Variants in BCAS3 observed in about 807,000 individuals in gnomAD.
BCAS3 encodes the protein BCAS4/BCAS3 fusion.
A neutral mutation model predicts 116.1 loss-of-function variants in BCAS3; 53 were observed. The observed-to-expected ratio is 0.46, with a 90% CI of 0.37 to 0.57. The LOEUF is 0.57. Ranked by LOEUF, BCAS3 falls within the 20% of genes least tolerant of loss-of-function variation. BCAS3 has a pLI of 0.00. For missense variants in BCAS3, 917 were observed against 1,165.4 expected, an observed-to-expected ratio of 0.79 and a Z score of 3.10; for synonymous variants, 391 against 408.2, an observed-to-expected ratio of 0.96 and a Z score of 0.51.
In BCAS3 at chr17:61,222,672, G is replaced by T. The variant is rs76744014; in HGVS notation, c.2425+138108G>T. Among the ~76,000 whole-genome samples the T allele has an allele frequency of 0.023, 3,432 of 151,848 alleles. 63 individuals carry two copies. Among genetic ancestry groups the T allele is most frequent in the Middle Eastern group, 0.085 (25 of 294 alleles). On this transcript the variant is annotated intron_variant, in intron 22 of 23. Transcript: ENST00000407086. This position sits in a 1 kb window ranked among gnomAD's most constrained non-coding sequence, Gnocchi z 6.1. ...GTGATTTATGTCACGTGGTATATGG[G>T]TTTTTTTTGTTTGTTTGTTTAATTT... is the stretch of plus-strand genomic sequence containing the variant.
chr17:60,757,164 GAA>G (rs1166670239), intron 6 of BCAS3, among the ~76,000 whole-genome samples: 1 of 144,634 alleles, frequency 6.9e-6, no homozygotes, highest in Non-Finnish European at 1.5e-5. Context: ...TCTGTCTCAA[GAA>G]AAAAAAAAGG....
At chr17:60,819,146 T>C (rs2049705793) in intron 7 of BCAS3, among the ~76,000 whole-genome samples, 1 of 152,252 alleles carries the variant, frequency 6.6e-6, no homozygotes, top group African/African-American at 2.4e-5. Context: ...GTCACTAGTA[T>C]AAATGCTAAT....
At chr17:61,385,548 C>T (rs188718209) in intron 23 of BCAS3, among the ~76,000 whole-genome samples, 55 of 152,358 alleles carry the variant, frequency 3.6e-4, no homozygotes, top group African/African-American at 1.3e-3. Flanking sequence ...TCCCCTACTA[C>T]GTACCTCACT....
chr17:61,361,477 G>GATCTAT lies in BCAS3; in HGVS notation c.2426-6837_2426-6832dup, dbSNP rs1236827368. 6.6e-6 allele frequency among the ~76,000 whole-genome samples: 1 copy of GATCTAT among 152,036 alleles called. No individual in the cohort carries two copies. The highest frequency in any genetic ancestry group is 2.4e-5 in the African/African-American group (1 of 41,404). On this transcript the variant is annotated intron_variant, in intron 22 of 23. Coordinates refer to ENST00000407086, the MANE Select transcript of BCAS3 (RefSeq NM_017679.5). The surrounding 1 kb of genome is among the most constrained non-coding windows in gnomAD (Gnocchi z 6.5). ...TAATATATAACATAATATAATATCT[G>GATCTAT]ATCTATATCTATATCTATCTCACTG...
chr17:61,391,673 A>T lies in BCAS3; in HGVS notation c.2594-304A>T, dbSNP rs186692874. ...GTGCAGGCGTGGGTACGGGCTCATG[A>T]AGAGCTGTGTAGTCCACACACATCG... On this transcript the variant is annotated intron_variant, in intron 23 of 23. Coordinates refer to ENST00000407086, the MANE Select transcript of BCAS3 (RefSeq NM_017679.5). The surrounding 1 kb of genome is among the most constrained non-coding windows in gnomAD (Gnocchi z 7.7). The T allele has an allele frequency of 1.2e-3, 396 of 333,600 alleles. 2 individuals are homozygous for T. Among genetic ancestry groups the T allele is most frequent in the African/African-American group, 8.1e-3 (380 of 46,868 alleles). 20.7% of individuals were successfully genotyped at this position (333,600 alleles called of 1,614,324 possible). A position where few individuals can be genotyped will look rare whatever the true frequency, so the allele number is the denominator to read the frequency against.
Position 61,139,414 on chromosome 17 carries a change from T to G in BCAS3, c.2425+54850T>G, listed in dbSNP as rs1017346502. On this transcript the variant is annotated intron_variant, in intron 22 of 23. Transcript: ENST00000407086. This position sits in a 1 kb window ranked among gnomAD's most constrained non-coding sequence, Gnocchi z 4.7. ...TGGTGTTTCCTCTTACACATGTGTC[T>G]TCCTTCTTCAGTTTCTCAGTCTGTC... Among the ~76,000 whole-genome samples the G allele has an allele frequency of 6.6e-6, 1 of 152,214 alleles. No homozygotes were observed. The highest frequency in any genetic ancestry group is 2.4e-5 in the African/African-American group (1 of 41,454).
intron 4 of BCAS3, among the ~76,000 whole-genome samples, chr17:60,706,842 C>T (rs946155106): frequency 6.9e-6 from 1 of 145,976 alleles, no homozygotes; most frequent in Non-Finnish European, 1.5e-5. Flanking sequence ...CAGGGTCTCA[C>T]TCTGTCACCC....
At chr17:60,918,112 C>T (rs1226496964) in intron 12 of BCAS3, among the ~76,000 whole-genome samples, 5 of 152,128 alleles carry the variant, frequency 3.3e-5, no homozygotes, top group Non-Finnish European at 7.3e-5. Flanking sequence ...GGATAAGGGT[C>T]TCAATTTCTC....
chr17:60,740,601 G>C (rs755118486), intron 5 of BCAS3, among the ~76,000 whole-genome samples: 1 of 152,112 alleles, frequency 6.6e-6, no homozygotes, highest in Non-Finnish European at 1.5e-5. Flanking sequence ...GGCGGTGTGT[G>C]GGGAGGGAAA....
rs1377936105 is a variant in BCAS3 at position 61,251,344 on chromosome 17, C to T, written c.2426-116983C>T. Among the ~76,000 whole-genome samples the T allele has an allele frequency of 1.3e-5, 2 of 152,040 alleles. No homozygotes were observed. Among genetic ancestry groups the T allele is most frequent in the Non-Finnish European group, 1.5e-5 (1 of 67,960 alleles). Reference sequence around the variant, plus strand: ...CAGCACTCTGGGAGGCTGAGGCGGGCGGATCACCTGAGGTCAGAGTTTGAG... The same window carrying T: ...CAGCACTCTGGGAGGCTGAGGCGGGTGGATCACCTGAGGTCAGAGTTTGAG... On this transcript the variant is annotated intron_variant, in intron 22 of 23. Transcript: ENST00000407086. The surrounding 1 kb of genome is among the most constrained non-coding windows in gnomAD (Gnocchi z 4.7).
intron 22 of BCAS3, among the ~76,000 whole-genome samples, chr17:61,306,288 C>T (rs1391614993): frequency 2.0e-5 from 3 of 152,202 alleles, no homozygotes; most frequent in Non-Finnish European, 4.4e-5. Flanking sequence ...TCTTCATCAA[C>T]ACTTCGCTTA....
intron 22 of BCAS3, among the ~76,000 whole-genome samples, chr17:61,223,716 G>T (rs939834733): frequency 6.6e-6 from 1 of 152,136 alleles, no homozygotes; most frequent in Non-Finnish European, 1.5e-5. Context: ...TTTAAAACTA[G>T]CAATTAGGAT....
At chr17:60,756,368 C>G (rs2042984871) in intron 6 of BCAS3, among the ~76,000 whole-genome samples, 1 of 152,154 alleles carries the variant, frequency 6.6e-6, no homozygotes, top group Non-Finnish European at 1.5e-5. Context: ...TTGGGGACCC[C>G]TGTTCTAACT....
At chr17:61,296,207 A>G (rs1169931493) in intron 22 of BCAS3, among the ~76,000 whole-genome samples, 1 of 152,206 alleles carries the variant, frequency 6.6e-6, no homozygotes, top group Non-Finnish European at 1.5e-5. Context: ...TCTTCCAGTC[A>G]GGTTAAACAG....
intron 22 of BCAS3, among the ~76,000 whole-genome samples, chr17:61,274,931 T>C (rs1048078562): frequency 6.6e-6 from 1 of 152,128 alleles, no homozygotes; most frequent in Non-Finnish European, 1.5e-5. Flanking sequence ...CAAACATGGC[T>C]CACTTCAGCC....
chr17:61,350,396 C>T (rs1169215750), intron 22 of BCAS3, among the ~76,000 whole-genome samples: 3 of 149,978 alleles, frequency 2.0e-5, no homozygotes, highest in Middle Eastern at 3.4e-3. Context: ...GCCTGGGCGA[C>T]AGAGCGAGAC....
chr17:61,334,869 G>A (rs2091899334), intron 22 of BCAS3, among the ~76,000 whole-genome samples: 1 of 152,196 alleles, frequency 6.6e-6, no homozygotes, highest in African/African-American at 2.4e-5. Flanking sequence ...TTGACCCACT[G>A]ATGGGCCTTG....
chr17:60,919,923 T>G (rs142564277), intron 12 of BCAS3, among the ~76,000 whole-genome samples: 5 of 152,242 alleles, frequency 3.3e-5, no homozygotes, highest in African/African-American at 1.2e-4. Context: ...AAATATTTTC[T>G]AAACACAAAA....
intron 22 of BCAS3, among the ~76,000 whole-genome samples, chr17:61,192,957 A>G (rs1297497200): frequency 1.3e-5 from 2 of 152,248 alleles, no homozygotes; most frequent in East Asian, 1.9e-4. Context: ...AGAAAAAACT[A>G]TGGTATAAAA....
Sources: allele counts gnomAD v4.1 joint callset (sites outside exome capture counted in the v4.1 genomes callset), GRCh38; gene constraint gnomAD v4.1.1; non-coding constraint Gnocchi (gnomAD v3.1); transcripts MANE v1.5; gene names NCBI Gene and HGNC (gene_info 2026-07-23, HGNC 2026-07-21).